Variants in UGT1A9 observed in about 807,000 individuals in gnomAD.
UGT1A9 encodes the protein UDP glucuronosyltransferase family 1 member A9.
UGT1A9 carries 35 observed loss-of-function variants against 45.0 expected under a neutral mutation model. That is an observed-to-expected ratio of 0.78 (90% CI 0.59 to 1.03). The LOEUF is 1.03. UGT1A9 is among the 50% of genes least tolerant of loss of function. UGT1A9 has a pLI of 0.00. For missense variants in UGT1A9, 687 were observed against 666.6 expected (o/e 1.03, Z -0.34); for synonymous variants, 278 against 250.6 (o/e 1.11, Z -1.03).
intron 1 of UGT1A9, among the ~76,000 whole-genome samples, chr2:233,766,453 G>C (rs1699157656): frequency 6.6e-6 from 1 of 152,214 alleles, no homozygotes; most frequent in Non-Finnish European, 1.5e-5. Context: ...TGCCTGCTAG[G>C]GTCTTGGGGT....
In UGT1A9 at chr2:233,761,113, G is replaced by C. The variant is rs72551345; in HGVS notation, c.856-5921G>C. 5.6e-6 allele frequency: 9 copies of C among 1,614,106 alleles called. No homozygotes were observed. In the South Asian group the frequency reaches 9.9e-5, roughly 18 times the overall value. ...CATCATGCCCAATATGGTTTTTGTT[G>C]GTGGAATCAACTGCCTTCACCAAAA... On this transcript the variant is annotated intron_variant, in intron 1 of 4. Coordinates refer to ENST00000354728, the MANE Select transcript of UGT1A9 (RefSeq NM_021027.3).
At chr2:233,747,346 G>T in intron 1 of UGT1A9, 1 of 1,603,164 alleles carries the variant, frequency 6.2e-7, no homozygotes, top group African/African-American at 1.3e-5. Flanking sequence ...GCTCGCATGC[G>T]GGAGGCCGTG....
intron 3 of UGT1A9, 26 bp downstream of exon 3, chr2:233,767,962 G>C (rs775218208): frequency 6.2e-7 from 1 of 1,614,120 alleles, no homozygotes; most frequent in Non-Finnish European, 8.5e-7. Context: ...TGGATGTATA[G>C]GTCAAACCAG....
At chr2:233,743,407 C>T in intron 1 of UGT1A9, 1 of 1,313,416 alleles carries the variant, frequency 7.6e-7, no homozygotes, top group Non-Finnish European at 1.0e-6. Flanking sequence ...AGAAAGGCCC[C>T]CACTTCCCAG....
Position 233,719,547 on chromosome 2 carries a change from GTGTCAGTGGTGGATCT to G in UGT1A9, c.855+46765_855+46780del. 3 of 1,613,900 alleles carry G rather than the reference GTGTCAGTGGTGGATCT, an allele frequency of 1.9e-6. No individual in the cohort carries two copies. The Middle Eastern group carries it at 5.0e-4, about 266-fold the overall frequency. The stretch of plus-strand genomic sequence containing the variant: ...TGCCTCTGAGCTTTTTCAGAGAGAG[GTGTCAGTGGTGGATCT>G]TGTCAGCTATGCATCCGTGTGGCTG... On this transcript the variant is annotated intron_variant, in intron 1 of 4. Coordinates refer to ENST00000354728, the MANE Select transcript of UGT1A9 (RefSeq NM_021027.3).
At chr2:233,677,598 A>G (rs144127815) in intron 1 of UGT1A9, among the ~76,000 whole-genome samples, 1 of 152,224 alleles carries the variant, frequency 6.6e-6, no homozygotes, top group African/African-American at 2.4e-5. Flanking sequence ...ACTAGTTACC[A>G]GAAAAATGAA....
chr2:233,754,484 A>G (rs1052764550), intron 1 of UGT1A9: 3 of 358,432 alleles, frequency 8.4e-6, no homozygotes, highest in African/African-American at 2.1e-5. Context: ...TTCACTTTCA[A>G]TCCTAAAAAA....
chr2:233,678,365 T>C (rs2074415003), intron 1 of UGT1A9, among the ~76,000 whole-genome samples: 1 of 152,152 alleles, frequency 6.6e-6, no homozygotes, highest in Admixed American at 6.6e-5. Flanking sequence ...ATCCTCATCA[T>C]CTTCCATTGA....
intron 1 of UGT1A9, among the ~76,000 whole-genome samples, chr2:233,716,575 T>C (rs760406565): frequency 1.3e-5 from 2 of 152,244 alleles, no homozygotes; most frequent in African/African-American, 4.8e-5. Flanking sequence ...TTAAAAACAA[T>C]ACTTTCAAAG....
chr2:233,707,103 C>T (rs1046537391), intron 1 of UGT1A9, among the ~76,000 whole-genome samples: 2 of 152,060 alleles, frequency 1.3e-5, no homozygotes, highest in Non-Finnish European at 1.5e-5. Flanking sequence ...AGCTGAGGGA[C>T]CCCCAAAATA....
At chr2:233,747,712 T>C (rs566811001) in intron 1 of UGT1A9, 704 of 1,613,102 alleles carry the variant, frequency 4.4e-4, no homozygotes, top group Non-Finnish European at 5.2e-4. Flanking sequence ...TACCTATCAA[T>C]TCCTGCTGTG....
chr2:233,720,624 T>C lies in UGT1A9; in HGVS notation c.856-46410T>C, dbSNP rs562222860. Among the ~76,000 whole-genome samples, 6 of 152,258 alleles carry C rather than the reference T, an allele frequency of 3.9e-5. No individual in the cohort carries two copies. The South Asian group carries it at 1.2e-3, about 32-fold the overall frequency. On this transcript the variant is annotated intron_variant, in intron 1 of 4. Coordinates refer to ENST00000354728, the MANE Select transcript of UGT1A9 (RefSeq NM_021027.3). ...ATTAATACAGAATATTTGGGTTTCATTGAAATAGTACTCTGGGATGTGAAA... is the reference window on the plus strand; with the variant it reads ...ATTAATACAGAATATTTGGGTTTCACTGAAATAGTACTCTGGGATGTGAAA...
intron 1 of UGT1A9, chr2:233,753,430 GGTTAAT>G (rs1304983962): frequency 6.6e-6 from 1 of 152,150 alleles, no homozygotes; most frequent in African/African-American, 2.4e-5. Flanking sequence ...AGTATTTGTT[GGTTAAT>G]GATGTGTTCA....
At chr2:233,705,373 G>A (rs1270805746) in intron 1 of UGT1A9, among the ~76,000 whole-genome samples, 3 of 152,052 alleles carry the variant, frequency 2.0e-5, no homozygotes, top group African/African-American at 7.2e-5. Flanking sequence ...CTTTTATTTT[G>A]TTTGTGCCTT....
chr2:233,674,300 C>T (rs74471804), intron 1 of UGT1A9, among the ~76,000 whole-genome samples: 51 of 152,218 alleles, frequency 3.4e-4, no homozygotes, highest in African/African-American at 1.1e-3. Flanking sequence ...GCATGACTTT[C>T]GGATCTTCAC....
intron 1 of UGT1A9, chr2:233,689,886 AT>A (rs2074964771): frequency 2.2e-6 from 1 of 456,640 alleles, no homozygotes; most frequent in African/African-American, 2.0e-5. Context: ...CAAGTGCCTT[AT>A]TTATTTCTCA....
intron 1 of UGT1A9, among the ~76,000 whole-genome samples, chr2:233,707,644 A>G (rs1415954935): frequency 1.3e-5 from 2 of 151,818 alleles, no homozygotes; most frequent in African/African-American, 4.8e-5. Context: ...CATTGTATGA[A>G]TACACCACAA....
intron 1 of UGT1A9, chr2:233,754,666 T>C (rs1311893817): frequency 2.1e-6 from 1 of 466,882 alleles, no homozygotes. Context: ...TTGGTGGTGA[T>C]TTTTTTACCA....
chr2:233,690,871 G>C (rs960988166), intron 1 of UGT1A9: 1 of 1,062,200 alleles, frequency 9.4e-7, no homozygotes, highest in Non-Finnish European at 1.1e-6. Flanking sequence ...TTTGCAAGAA[G>C]GTGTTAGGAA....
Sources: allele counts gnomAD v4.1 joint callset (sites outside exome capture counted in the v4.1 genomes callset), GRCh38; gene constraint gnomAD v4.1.1; transcripts MANE v1.5; gene names NCBI Gene and HGNC (gene_info 2026-07-23, HGNC 2026-07-21).